The following OSMR variants were observed in gnomAD, a reference collection of about 807,000 sequenced individuals.
The protein encoded by OSMR is oncostatin-M-specific receptor subunit beta.
A neutral mutation model predicts 99.9 loss-of-function variants in OSMR; 81 were observed. That is an observed-to-expected ratio of 0.81 (90% CI 0.68 to 0.97). OSMR has a LOEUF of 0.97. OSMR is among the 50% of genes least tolerant of loss of function. The pLI is 0.00. For synonymous variants in OSMR, 406 were observed against 410.4 expected (o/e 0.99, Z 0.13); for missense variants, 1,099 against 1,153.4 (o/e 0.95, Z 0.68).
intron 1 of OSMR, chr5:38,942,956 A>G: frequency 6.2e-7 from 1 of 1,604,510 alleles, no homozygotes; most frequent in Non-Finnish European, 8.5e-7. Flanking sequence ...ATGTTTGAGG[A>G]TACTTCTCCT....
chr5:38,924,235 A>G, intron 13 of OSMR, 187 bp from the exon 14 acceptor site: 10 of 840,022 alleles, frequency 1.2e-5, no homozygotes, highest in Non-Finnish European at 1.3e-5. Flanking sequence ...AGATTGCTCA[A>G]CTCCTTCACA....
At chr5:38,899,526 C>T (rs1045963595) in intron 7 of OSMR, among the ~76,000 whole-genome samples, 2 of 152,150 alleles carry the variant, frequency 1.3e-5, no homozygotes, top group African/African-American at 2.4e-5. Context: ...TCACCTGAAG[C>T]CAGCACGTCT....
chr5:38,915,472 C>T (rs1045285365), intron 9 of OSMR, among the ~76,000 whole-genome samples: 2 of 152,096 alleles, frequency 1.3e-5, no homozygotes, highest in Non-Finnish European at 2.9e-5. Flanking sequence ...GTTAAGGAAC[C>T]TACTGATAAG....
chr5:38,904,219 C>G (rs1561386725), intron 8 of OSMR, 134 bp from the exon 9 acceptor site: 4 of 1,530,090 alleles, frequency 2.6e-6, no homozygotes, highest in Non-Finnish European at 1.8e-6. Flanking sequence ...TTTTTTCCCC[C>G]CAAAGAAGAA....
chr5:38,866,446 T>C (rs1741952169), intron 1 of OSMR, among the ~76,000 whole-genome samples: 1 of 152,204 alleles, frequency 6.6e-6, no homozygotes, highest in Non-Finnish European at 1.5e-5. Flanking sequence ...CTCAGGCTTT[T>C]GGGAGCACAT....
chr5:38,885,954 T>A, intron 6 of OSMR, 85 bp from the exon 7 acceptor site: 1 of 1,563,340 alleles, frequency 6.4e-7, no homozygotes, highest in East Asian at 2.3e-5. Context: ...AGTCACTGAG[T>A]ATGCCCTGAG....
Position 38,932,907 on chromosome 5 carries a change from CTG to C in OSMR, c.2405_2406del (p.Cys802TyrfsTer6). The part of the protein sequence containing the change: ...PHLIIMNVSD[C>X]IPDAIEVVSK... ...ACCTAATAATAATGAATGTCAGTGACTGTATCCCAGATGCTATTGAAGTTGTA... is the reference window on the plus strand; with the variant it reads ...ACCTAATAATAATGAATGTCAGTGACTATCCCAGATGCTATTGAAGTTGTA... On this transcript the variant is annotated frameshift_variant, in exon 18 of 18. Coordinates refer to ENST00000274276, the MANE Select transcript of OSMR (RefSeq NM_003999.3). LOFTEE classifies it low-confidence loss of function (END_TRUNC). 1 of 1,614,000 alleles carries C rather than the reference CTG, an allele frequency of 6.2e-7. No homozygotes were observed. Among genetic ancestry groups the C allele is most frequent in the South Asian group, 1.1e-5 (1 of 91,078 alleles).
Position 38,932,860 on chromosome 5 carries a change from T to C in OSMR, c.2368-12T>C, listed in dbSNP as rs755497745. 6.2e-7 allele frequency: 1 copy of C among 1,613,748 alleles called. No individual in the cohort carries two copies. Among genetic ancestry groups the C allele is most frequent in the Non-Finnish European group, 8.5e-7 (1 of 1,179,882 alleles). On this transcript the variant is annotated splice_polypyrimidine_tract_variant and intron_variant, in intron 17 of 17. Coordinates refer to ENST00000274276, the MANE Select transcript of OSMR (RefSeq NM_003999.3). ...AAATGTCTATATTTACATATTTTTGTTTCCTTTCTAGGAGAACCCTCACCT... is the reference window on the plus strand; with the variant it reads ...AAATGTCTATATTTACATATTTTTGCTTCCTTTCTAGGAGAACCCTCACCT...
chr5:38,912,093 G>C (rs9632405), intron 9 of OSMR, among the ~76,000 whole-genome samples: 2 of 151,140 alleles, frequency 1.3e-5, no homozygotes, highest in African/African-American at 2.4e-5. Context: ...AAAAAAAAAA[G>C]CATCCAAATA....
intron 9 of OSMR, among the ~76,000 whole-genome samples, chr5:38,913,492 G>A (rs1364190466): frequency 1.3e-5 from 2 of 151,538 alleles, no homozygotes; most frequent in African/African-American, 4.9e-5. Context: ...GGAGCTTGCA[G>A]TGAGCAGAGG....
intron 1 of OSMR, among the ~76,000 whole-genome samples, chr5:38,857,966 C>T (rs1048554967): frequency 3.3e-5 from 5 of 152,028 alleles, no homozygotes; most frequent in Non-Finnish European, 7.4e-5. Context: ...CCATGCCCAG[C>T]CTCTTCCAGC....
At position 38,923,185 on chromosome 5, in the gene OSMR, A is replaced by G; in HGVS notation, c.1801A>G (p.Ile601Val). 2 of 1,613,382 alleles carry G rather than the reference A, an allele frequency of 1.2e-6. No individual in the cohort carries two copies. Among genetic ancestry groups the G allele is most frequent in the Non-Finnish European group, 8.5e-7 (1 of 1,179,362 alleles). The change falls in exon 13 of 18, where the codon ATT becomes GTT. Residue 601 changes from isoleucine to valine, a missense_variant. By Grantham distance (29) the Ile-to-Val change is conservative (BLOSUM62 3). Transcript: ENST00000274276. ...FRPGVRYDFR[I>V]YGLSTKRIAC... is the part of the protein sequence containing the mutation. The stretch of plus-strand genomic sequence containing the variant: ...GCCAGGAGTTCGATATGACTTCAGA[A>G]TTTATGGGTTATCTACAAAAAGGAT...
At chr5:38,908,448 G>C (rs564126258) in intron 9 of OSMR, among the ~76,000 whole-genome samples, 4 of 152,334 alleles carry the variant, frequency 2.6e-5, no homozygotes, top group Admixed American at 6.5e-5. Context: ...GCTGGCACAT[G>C]TGAGTGAGCA....
intron 1 of OSMR, among the ~76,000 whole-genome samples, chr5:38,852,086 A>G (rs1031345869): frequency 1.3e-5 from 2 of 152,202 alleles, no homozygotes; most frequent in African/African-American, 4.8e-5. Flanking sequence ...ACATTCACTC[A>G]ATATTTTAGA....
chr5:38,936,745 T>C (rs779780510), downstream of OSMR, among the ~76,000 whole-genome samples: 1 of 152,216 alleles, frequency 6.6e-6, no homozygotes, highest in South Asian at 2.1e-4. Flanking sequence ...TTTAAAACTC[T>C]GGAAGAGAGA....
chr5:38,902,906 C>T (rs1744984822), intron 7 of OSMR, among the ~76,000 whole-genome samples: 1 of 152,294 alleles, frequency 6.6e-6, no homozygotes, highest in East Asian at 1.9e-4. Flanking sequence ...TTCCACGCTT[C>T]TTTCCTCCGC....
chr5:38,865,361 G>A (rs919683506), intron 1 of OSMR, among the ~76,000 whole-genome samples: 49 of 152,248 alleles, frequency 3.2e-4, no homozygotes, highest in Middle Eastern at 6.8e-3. Flanking sequence ...AAGAGTTGCT[G>A]TTTGTAATTT....
chr5:38,886,270 TG>T lies in OSMR; in HGVS notation c.991+81del, dbSNP rs769400404. The T allele has an allele frequency of 2.1e-5, 33 of 1,608,444 alleles. No individual in the cohort carries two copies. The Admixed American group carries it at 5.6e-4, about 27-fold the overall frequency. On this transcript the variant is annotated intron_variant, in intron 7 of 17. Transcript: ENST00000274276. ...AGACTGTGTGATCAAGTAAATGTGC[TG>T]TAGATCTTTGCCTCATTCACAGCGG...
intron 3 of OSMR, among the ~76,000 whole-genome samples, chr5:38,879,530 A>G (rs1439204366): frequency 6.6e-6 from 1 of 152,082 alleles, no homozygotes; most frequent in Non-Finnish European, 1.5e-5. Context: ...GGTAAAGTTC[A>G]GTCTGTGACT....
Sources: allele counts gnomAD v4.1 joint callset (sites outside exome capture counted in the v4.1 genomes callset), GRCh38; gene constraint gnomAD v4.1.1; transcripts MANE v1.5; gene names NCBI Gene and HGNC (gene_info 2026-07-23, HGNC 2026-07-21).